LPGAT1: variants seen among roughly 807,000 people sequenced by gnomAD.
LPGAT1 encodes lysophosphatidylglycerol acyltransferase 1.
Under a neutral mutation model 47.5 loss-of-function variants are expected in LPGAT1, and 11 were observed. That is an observed-to-expected ratio of 0.23 (90% CI 0.15 to 0.38). The LOEUF is 0.38. Ranked by LOEUF, LPGAT1 falls within the 10% of genes least tolerant of loss-of-function variation. The pLI, the probability that LPGAT1 is intolerant of heterozygous loss-of-function variation, is 1.00. For missense variants in LPGAT1, 293 were observed against 439.0 expected (o/e 0.67, Z 2.97); for synonymous variants, 138 against 144.2 (o/e 0.96, Z 0.31).
chr1:211,784,431 C>A (rs1658765046), intron 4 of LPGAT1, among the ~76,000 whole-genome samples: 1 of 148,244 alleles, frequency 6.7e-6, no homozygotes, highest in Admixed American at 6.8e-5. Flanking sequence ...TTCGAGGATG[C>A]AGTGAGCCCT....
At chr1:211,813,682 C>T (rs1660075915) in intron 2 of LPGAT1, among the ~76,000 whole-genome samples, 1 of 152,176 alleles carries the variant, frequency 6.6e-6, no homozygotes. Context: ...GAACATTTTG[C>T]TTAACTGGAG....
intron 2 of LPGAT1, among the ~76,000 whole-genome samples, chr1:211,794,931 G>T (rs532598709): frequency 1.8e-4 from 27 of 152,096 alleles, no homozygotes; most frequent in Admixed American, 3.9e-4. Context: ...TGTGCAAAAT[G>T]ACATGTACAC....
chr1:211,795,470 C>A (rs917756760), intron 2 of LPGAT1, among the ~76,000 whole-genome samples: 1 of 152,098 alleles, frequency 6.6e-6, no homozygotes, highest in South Asian at 2.1e-4. Flanking sequence ...CAGGTTCAAG[C>A]GATTCTCCTG....
intron 2 of LPGAT1, among the ~76,000 whole-genome samples, chr1:211,824,995 C>T (rs558940537): frequency 1.3e-5 from 2 of 151,778 alleles, no homozygotes; most frequent in Non-Finnish European, 2.9e-5. Flanking sequence ...TCCCTAAAGC[C>T]CCCCCCAAAT....
At chr1:211,803,000 T>C (rs1659629214) in intron 2 of LPGAT1, 1 of 152,152 alleles carries the variant, frequency 6.6e-6, no homozygotes, top group Non-Finnish European at 1.5e-5. Flanking sequence ...AATAATGACT[T>C]CAAAATTGTG....
At position 211,829,193 on chromosome 1, in the gene LPGAT1, G is replaced by C; in HGVS notation, c.104C>G (p.Ser35Cys). ...MVVNNLVAIPSYICYVIILQP... is the reference protein window; with the variant it reads ...MVVNNLVAIPCYICYVIILQP... ...AAGTATAATTACATAGCAGATGTAG[G>C]ATGGAATAGCAACCAGGTTGTTGAC... is the stretch of plus-strand genomic sequence containing the variant. Residue 35 changes from serine to cysteine, a missense_variant, in exon 2 of 8, where the codon TCC becomes TGC. By Grantham distance (112) the Ser-to-Cys change is moderately radical. Transcript: ENST00000366997. 1 of 1,614,168 alleles carries C rather than the reference G, an allele frequency of 6.2e-7. No individual in the cohort carries two copies. Among genetic ancestry groups the C allele is most frequent in the Non-Finnish European group, 8.5e-7 (1 of 1,180,034 alleles).
In LPGAT1 at chr1:211,756,019, T is replaced by C. The variant is rs569239997; in HGVS notation, c.855-4952A>G. Among the ~76,000 whole-genome samples, 2 of 152,234 alleles carry C rather than the reference T, an allele frequency of 1.3e-5. 1 individual carries two copies. The highest frequency in any genetic ancestry group is 4.1e-4 in the South Asian group (2 of 4,828). ...TTGGGAGGCCGAGGCAGGTGGATCA[T>C]GAGGTCAGGGGTTTGAGACAAGCCT... On this transcript the variant is annotated intron_variant, in intron 6 of 7. Coordinates refer to ENST00000366997, the MANE Select transcript of LPGAT1 (RefSeq NM_014873.3).
intron 2 of LPGAT1, among the ~76,000 whole-genome samples, chr1:211,805,274 T>C (rs1048455768): frequency 4.4e-4 from 67 of 152,316 alleles, no homozygotes; most frequent in Middle Eastern, 3.4e-3. Flanking sequence ...TTCCTTGATT[T>C]ATCATGGGGT....
chr1:211,827,885 GAAAT>G (rs1660587402), intron 2 of LPGAT1, among the ~76,000 whole-genome samples: 1 of 152,134 alleles, frequency 6.6e-6, no homozygotes, highest in African/African-American at 2.4e-5. Context: ...GCCTGAAGGA[GAAAT>G]AAATAAATAA....
intron 2 of LPGAT1, among the ~76,000 whole-genome samples, chr1:211,825,185 C>CTTT (rs1367159832): frequency 1.1e-5 from 1 of 93,846 alleles, no homozygotes; most frequent in South Asian, 3.6e-4. Context: ...CATGCACAGT[C>CTTT]TTCTTTTTTT....
Position 211,823,492 on chromosome 1 carries a change from C to T in LPGAT1, c.238+5567G>A, listed in dbSNP as rs115509584. ...ATCAGGAGCCCCTCCTTTTACCTCC[C>T]CTTGTACCCCTGTATATTTTCATTG... On this transcript the variant is annotated intron_variant, in intron 2 of 7. Transcript: ENST00000366997. Among the ~76,000 whole-genome samples the T allele has an allele frequency of 5.6e-3, 855 of 152,258 alleles. 6 individuals carry two copies. The highest frequency in any genetic ancestry group is 0.02 in the African/African-American group (823 of 41,542).
At chr1:211,759,339 T>C (rs1279607243) in intron 6 of LPGAT1, among the ~76,000 whole-genome samples, 2 of 152,124 alleles carry the variant, frequency 1.3e-5, no homozygotes, top group African/African-American at 4.8e-5. Context: ...CCTGCCACAG[T>C]CTCCTGAGCA....
chr1:211,802,283 A>G (rs1659604989), intron 2 of LPGAT1, among the ~76,000 whole-genome samples: 1 of 152,084 alleles, frequency 6.6e-6, no homozygotes, highest in African/African-American at 2.4e-5. Context: ...CTAACAAAAC[A>G]GGCGATAGCT....
intron 2 of LPGAT1, among the ~76,000 whole-genome samples, chr1:211,826,285 T>C (rs924308482): frequency 6.6e-6 from 1 of 152,212 alleles, no homozygotes; most frequent in Non-Finnish European, 1.5e-5. Context: ...AATCTTCTTG[T>C]CTTTCACAAA....
Position 211,830,344 on chromosome 1 carries a change from G to A in LPGAT1, c.-28+229C>T, listed in dbSNP as rs1419909053. On this transcript the variant is annotated intron_variant, in intron 1 of 7. Coordinates refer to ENST00000366997, the MANE Select transcript of LPGAT1 (RefSeq NM_014873.3). The surrounding 1 kb of genome is among the most constrained non-coding windows in gnomAD (Gnocchi z 5.9). ...CCTCGCGGCTGCCTGCGGACAGAGGGACGGCGGGGACTCAGAGGCCGGACC... is the reference window on the plus strand; with the variant it reads ...CCTCGCGGCTGCCTGCGGACAGAGGAACGGCGGGGACTCAGAGGCCGGACC... 1.7e-6 allele frequency: 2 copies of A among 1,143,346 alleles called. No individual in the cohort carries two copies. The highest frequency in any genetic ancestry group is 2.1e-6 in the Non-Finnish European group (2 of 931,372). 70.8% of individuals were successfully genotyped at this position (1,143,346 alleles called of 1,614,324 possible).
chr1:211,784,620 T>C (rs1297785843), intron 4 of LPGAT1, among the ~76,000 whole-genome samples: 1 of 151,968 alleles, frequency 6.6e-6, no homozygotes, highest in African/African-American at 2.4e-5. Flanking sequence ...TTATATTGTA[T>C]TGATAACAAG....
intron 6 of LPGAT1, among the ~76,000 whole-genome samples, chr1:211,767,165 G>A (rs955705280): frequency 6.6e-6 from 1 of 152,056 alleles, no homozygotes; most frequent in Non-Finnish European, 1.5e-5. Context: ...TTGAGACATG[G>A]TCTCACTCTG....
At chr1:211,793,033 C>G (rs758083638) in intron 3 of LPGAT1, 39 bp downstream of exon 3, 4 of 1,408,496 alleles carry the variant, frequency 2.8e-6, no homozygotes, top group Non-Finnish European at 3.9e-6. Context: ...TTTAACCTTC[C>G]TTTCTGGATG....
At chr1:211,829,940 G>A in intron 1 of LPGAT1, 1 of 985,340 alleles carries the variant, frequency 1.0e-6, no homozygotes, top group Non-Finnish European at 1.2e-6. Flanking sequence ...AAAGTAGGGG[G>A]TTATAATGCG....
Sources: allele counts gnomAD v4.1 joint callset (sites outside exome capture counted in the v4.1 genomes callset), GRCh38; gene constraint gnomAD v4.1.1; non-coding constraint Gnocchi (gnomAD v3.1); transcripts MANE v1.5; gene names NCBI Gene and HGNC (gene_info 2026-07-23, HGNC 2026-07-21).